Variants in MRPS27 observed in about 807,000 individuals in gnomAD.
MRPS27 encodes the protein small ribosomal subunit protein mS27.
Under a neutral mutation model 48.9 loss-of-function variants are expected in MRPS27, and 43 were observed. The ratio of observed to expected loss-of-function variants is 0.88; its 90% CI spans 0.69 to 1.13. The LOEUF is 1.13. Ranked by LOEUF, MRPS27 falls within the 50% of genes most tolerant of loss-of-function variation. The pLI is 0.00. For missense variants in MRPS27, 467 were observed against 476.3 expected (o/e 0.98, Z 0.18); for synonymous variants, 188 against 171.9 (o/e 1.09, Z -0.73).
rs1178400253 is a variant in MRPS27 at position 72,220,099 on chromosome 5, G to T, written c.*810C>A. On this transcript the variant is annotated 3_prime_UTR_variant, in exon 11 of 11. Coordinates refer to ENST00000261413, the MANE Select transcript of MRPS27 (RefSeq NM_015084.3). ...GGCAGAAAGGAGAATGTGGGAATGTGTGAGTATCCCACAGCCAGCTCACAG... is the reference window on the plus strand; with the variant it reads ...GGCAGAAAGGAGAATGTGGGAATGTTTGAGTATCCCACAGCCAGCTCACAG... 6.5e-6 allele frequency: 1 copy of T among 152,778 alleles called. No individual in the cohort carries two copies. Among genetic ancestry groups the T allele is most frequent in the Non-Finnish European group, 1.5e-5 (1 of 68,128 alleles). 9.5% of individuals were successfully genotyped at this position (152,778 alleles called of 1,614,324 possible).
intron 2 of MRPS27, among the ~76,000 whole-genome samples, chr5:72,300,841 G>A (rs1750108238): frequency 6.6e-6 from 1 of 152,090 alleles, no homozygotes; most frequent in Non-Finnish European, 1.5e-5. Flanking sequence ...CAGCCAATCA[G>A]GATAAAAACC....
chr5:72,232,349 A>G (rs1474609757), intron 7 of MRPS27, 94 bp downstream of exon 7: 9 of 797,582 alleles, frequency 1.1e-5, no homozygotes, highest in Non-Finnish European at 1.4e-5. Flanking sequence ...GTGCCTGGCC[A>G]CAGAGCTGCA....
rs539230994 is a variant in MRPS27, at chr5:72,267,709, C to T, written c.281+27822G>A. The stretch of plus-strand genomic sequence containing the variant: ...CTTAGTTGGTGGTTCTCCAGAAATA[C>T]ATTTTGTCCAAAGTAAAAAATGCCT... On this transcript the variant is annotated intron_variant, in intron 4 of 10. Coordinates refer to ENST00000261413, the MANE Select transcript of MRPS27 (RefSeq NM_015084.3). 2.6e-5 allele frequency among the ~76,000 whole-genome samples: 4 copies of T among 152,158 alleles called. No individual in the cohort carries two copies. In the South Asian group the frequency reaches 8.3e-4, roughly 32 times the overall value.
chr5:72,276,760 G>A (rs1043846561), intron 4 of MRPS27, among the ~76,000 whole-genome samples: 6 of 152,092 alleles, frequency 3.9e-5, no homozygotes, highest in African/African-American at 1.4e-4. Flanking sequence ...CGCCAGGCGT[G>A]GTGGCTCATG....
Position 72,225,963 on chromosome 5 carries a change from T to C in MRPS27, c.837+94A>G, listed in dbSNP as rs370680769. 6.9e-5 allele frequency: 98 copies of C among 1,413,322 alleles called. No individual in the cohort carries two copies. The Middle Eastern group carries it at 9.7e-4, about 14-fold the overall frequency. 87.5% of individuals were successfully genotyped at this position (1,413,322 alleles called of 1,614,324 possible). On this transcript the variant is annotated intron_variant, in intron 9 of 10. Coordinates refer to ENST00000261413, the MANE Select transcript of MRPS27 (RefSeq NM_015084.3). The stretch of plus-strand genomic sequence containing the variant: ...ACCTATTCTATAGACATATAGAAAG[T>C]AGGGGTAGTGGAAAGACAATGAAAA...
At chr5:72,238,582 G>A (rs1421963356) in intron 4 of MRPS27, among the ~76,000 whole-genome samples, 3 of 152,180 alleles carry the variant, frequency 2.0e-5, no homozygotes, top group Admixed American at 6.5e-5. Context: ...GATACTTCCT[G>A]TGGCTCTTAG....
At chr5:72,270,883 A>C in intron 4 of MRPS27, among the ~76,000 whole-genome samples, 1 of 152,242 alleles carries the variant, frequency 6.6e-6, no homozygotes, top group Admixed American at 6.5e-5. Flanking sequence ...AGTGAAAAAG[A>C]AAACTCATGT....
chr5:72,250,224 A>G (rs1385798314), intron 4 of MRPS27, among the ~76,000 whole-genome samples: 1 of 152,178 alleles, frequency 6.6e-6, no homozygotes, highest in Non-Finnish European at 1.5e-5. Flanking sequence ...GGGTATATTT[A>G]AGAAATAAAA....
chr5:72,308,622 C>T (rs185341027), intron 2 of MRPS27, among the ~76,000 whole-genome samples: 2 of 152,342 alleles, frequency 1.3e-5, no homozygotes, highest in Admixed American at 6.5e-5. Context: ...GCTGGAGCCA[C>T]GGGCGCTCTC....
At chr5:72,249,390 A>C (rs1385819610) in intron 4 of MRPS27, among the ~76,000 whole-genome samples, 1 of 152,226 alleles carries the variant, frequency 6.6e-6, no homozygotes, top group African/African-American at 2.4e-5. Context: ...ATGATCAAAA[A>C]CAAGTATTTT....
intron 2 of MRPS27, among the ~76,000 whole-genome samples, chr5:72,312,204 T>C (rs1388570326): frequency 1.3e-5 from 2 of 152,168 alleles, no homozygotes; most frequent in African/African-American, 4.8e-5. Context: ...GCCATGTCAT[T>C]TGTGACATAA....
chr5:72,254,929 C>T (rs1748757965), intron 4 of MRPS27, among the ~76,000 whole-genome samples: 1 of 151,792 alleles, frequency 6.6e-6, no homozygotes, highest in South Asian at 2.1e-4. Context: ...GTGTCTGCTG[C>T]CAAGAAATCT....
intron 4 of MRPS27, among the ~76,000 whole-genome samples, chr5:72,292,121 T>C (rs1296779468): frequency 1.3e-5 from 2 of 152,104 alleles, no homozygotes; most frequent in Non-Finnish European, 2.9e-5. Context: ...CCTTATTTTG[T>C]TTATTTTACT....
chr5:72,241,553 G>A (rs1748350257), intron 4 of MRPS27: 1 of 1,229,568 alleles, frequency 8.1e-7, no homozygotes, highest in Non-Finnish European at 1.1e-6. Flanking sequence ...TCCTGTTGGT[G>A]ACTTTTTAAG....
chr5:72,265,528 C>T (rs941356766), intron 4 of MRPS27, among the ~76,000 whole-genome samples: 2 of 152,156 alleles, frequency 1.3e-5, no homozygotes, highest in Non-Finnish European at 2.9e-5. Flanking sequence ...GAAAAGTAGG[C>T]TGGAATCAAA....
At chr5:72,261,987 G>C (rs559149461) in intron 4 of MRPS27, among the ~76,000 whole-genome samples, 35 of 152,274 alleles carry the variant, frequency 2.3e-4, no homozygotes, top group African/African-American at 7.9e-4. Context: ...CAGGATAAAT[G>C]CAAATTACAT....
intron 2 of MRPS27, among the ~76,000 whole-genome samples, chr5:72,310,145 A>C (rs1378068242): frequency 1.3e-5 from 2 of 152,244 alleles, no homozygotes; most frequent in Non-Finnish European, 2.9e-5. Flanking sequence ...GTATATGTAT[A>C]TGCATATGTG....
intron 4 of MRPS27, among the ~76,000 whole-genome samples, chr5:72,252,511 C>T (rs1216567264): frequency 1.3e-5 from 2 of 152,110 alleles, no homozygotes; most frequent in Non-Finnish European, 1.5e-5. Context: ...ACTTTATATA[C>T]ATTTTCCCCT....
intron 4 of MRPS27, chr5:72,288,785 C>T (rs1408069209): frequency 6.6e-6 from 1 of 152,218 alleles, no homozygotes; most frequent in Non-Finnish European, 1.5e-5. Flanking sequence ...TGCGACCTGG[C>T]AATATGCTAA....
Sources: allele counts gnomAD v4.1 joint callset (sites outside exome capture counted in the v4.1 genomes callset), GRCh38; gene constraint gnomAD v4.1.1; transcripts MANE v1.5; gene names NCBI Gene and HGNC (gene_info 2026-07-23, HGNC 2026-07-21).